LRRC4C: variants seen among roughly 807,000 people sequenced by gnomAD.
LRRC4C encodes leucine-rich repeat-containing protein 4C.
A neutral mutation model predicts 33.6 loss-of-function variants in LRRC4C; 5 were observed. The ratio of observed to expected loss-of-function variants is 0.15; its 90% confidence interval spans 0.08 to 0.31. LRRC4C has a LOEUF of 0.31. Ranked by LOEUF, LRRC4C falls within the 10% of genes least tolerant of loss-of-function variation. The pLI, the probability that LRRC4C is intolerant of heterozygous loss-of-function variation, is 1.00. For missense variants in LRRC4C, 560 were observed against 796.7 expected (o/e 0.70, Z 3.58); for synonymous variants, 329 against 302.0 (o/e 1.09, Z -0.93).
intron 2 of LRRC4C, among the ~76,000 whole-genome samples, chr11:40,855,480 A>C (rs976807289): frequency 6.6e-6 from 1 of 152,138 alleles, no homozygotes. Context: ...TGCTTGGCAC[A>C]CTTACTATGT....
intron 1 of LRRC4C, among the ~76,000 whole-genome samples, chr11:41,008,721 C>T (rs2137493305): frequency 6.6e-6 from 1 of 152,170 alleles, no homozygotes; most frequent in South Asian, 2.1e-4. Context: ...TTACTTATAC[C>T]AACTTGTATT....
chr11:41,143,832 C>A (rs1181962277), intron 1 of LRRC4C, among the ~76,000 whole-genome samples: 1 of 152,164 alleles, frequency 6.6e-6, no homozygotes, highest in Non-Finnish European at 1.5e-5. Flanking sequence ...AGAGGCAAGA[C>A]TGCTTTTTGT....
intron 4 of LRRC4C, among the ~76,000 whole-genome samples, chr11:40,289,913 T>C (rs1456532800): frequency 6.6e-6 from 1 of 152,086 alleles, no homozygotes; most frequent in Non-Finnish European, 1.5e-5. Flanking sequence ...TCCCTTTCTC[T>C]CTCTTAGGAA....
intron 2 of LRRC4C, among the ~76,000 whole-genome samples, chr11:40,773,261 T>C (rs1949835257): frequency 6.6e-6 from 1 of 151,994 alleles, no homozygotes; most frequent in Non-Finnish European, 1.5e-5. Context: ...AAAGTATAGT[T>C]AGAGAAAATT....
Position 40,587,621 on chromosome 11 carries a change from A to T in LRRC4C, c.-270+60521T>A, listed in dbSNP as rs1310658884. Among the ~76,000 whole-genome samples the T allele has an allele frequency of 2.7e-5, 4 of 149,882 alleles. No homozygotes were observed. The Admixed American group carries it at 2.7e-4, about 10-fold the overall frequency. The stretch of plus-strand genomic sequence containing the variant: ...GATATTGGCTGTGGGTTTGTCATAG[A>T]TAGCTCTTATTATTTTGAAATACGT... On this transcript the variant is annotated intron_variant, in intron 3 of 6. Coordinates refer to ENST00000528697, the MANE Select transcript of LRRC4C (RefSeq NM_001258419.2).
intron 2 of LRRC4C, among the ~76,000 whole-genome samples, chr11:40,727,727 T>C (rs1450846064): frequency 2.0e-5 from 3 of 152,050 alleles, no homozygotes; most frequent in East Asian, 1.9e-4. Context: ...TATAACCCTA[T>C]TACAAGCAGG....
Position 40,968,610 on chromosome 11 carries a change from A to C in LRRC4C, c.-495-34887T>G, listed in dbSNP as rs569124876. Among the ~76,000 whole-genome samples, 16 of 152,222 alleles carry C rather than the reference A, an allele frequency of 1.1e-4. 1 individual carries two copies. The highest frequency in any genetic ancestry group is 3.4e-3 in the Middle Eastern group (1 of 294). On this transcript the variant is annotated intron_variant, in intron 1 of 6. Coordinates refer to ENST00000528697, the MANE Select transcript of LRRC4C (RefSeq NM_001258419.2). ...TATGATGAAGCTAATGCTCATTTACAACTCTGAAAATTTTAGAACCCTTAC... is the reference window on the plus strand; with the variant it reads ...TATGATGAAGCTAATGCTCATTTACCACTCTGAAAATTTTAGAACCCTTAC...
intron 1 of LRRC4C, among the ~76,000 whole-genome samples, chr11:41,413,997 A>G (rs1054277732): frequency 5.3e-5 from 8 of 152,198 alleles, no homozygotes; most frequent in African/African-American, 1.9e-4. Context: ...AGTGCTTTGT[A>G]GTCAGACACA....
chr11:40,263,531 G>T (rs1355892104), intron 4 of LRRC4C, among the ~76,000 whole-genome samples: 2 of 135,450 alleles, frequency 1.5e-5, no homozygotes, highest in African/African-American at 3.9e-5. Context: ...TTACAGTTTT[G>T]GGGGCGGGGG....
chr11:40,973,917 G>A (rs906200521), intron 1 of LRRC4C, among the ~76,000 whole-genome samples: 2 of 151,968 alleles, frequency 1.3e-5, no homozygotes, highest in Non-Finnish European at 2.9e-5. Context: ...TAGGGATTGT[G>A]GAGCCTCTTT....
In LRRC4C at chr11:40,413,913, C is replaced by T. The variant is rs952095492; in HGVS notation, c.-269-94192G>A. Among the ~76,000 whole-genome samples the T allele has an allele frequency of 3.3e-5, 5 of 152,184 alleles. No individual in the cohort carries two copies. In the South Asian group the frequency reaches 8.3e-4, roughly 25 times the overall value. On this transcript the variant is annotated intron_variant, in intron 3 of 6. Transcript: ENST00000528697. ...ACTACTGACCAAAATTCAGTCTTCT[C>T]AATCCCAAGGTCTTGATTCTCTCCT...
intron 2 of LRRC4C, among the ~76,000 whole-genome samples, chr11:40,912,959 C>T (rs1592073011): frequency 1.3e-5 from 2 of 152,298 alleles, no homozygotes; most frequent in South Asian, 4.1e-4. Flanking sequence ...AAGACCATTA[C>T]ATAATGGTAA....
At chr11:41,322,987 G>A (rs1287101954) in intron 1 of LRRC4C, among the ~76,000 whole-genome samples, 2 of 152,106 alleles carry the variant, frequency 1.3e-5, no homozygotes, top group Admixed American at 1.3e-4. Context: ...CACAAAGAGG[G>A]TCTGAGAAGC....
At chr11:41,453,784 T>C (rs547626878) in intron 1 of LRRC4C, among the ~76,000 whole-genome samples, 16 of 152,240 alleles carry the variant, frequency 1.1e-4, no homozygotes, top group Non-Finnish European at 2.1e-4. Context: ...TATAACATTA[T>C]ATTTTCTTGG....
chr11:40,943,937 T>C lies in LRRC4C; in HGVS notation c.-495-10214A>G, dbSNP rs74729414. Among the ~76,000 whole-genome samples the C allele has an allele frequency of 4.8e-3, 727 of 152,326 alleles. 9 individuals carry two copies. Among genetic ancestry groups the C allele is most frequent in the African/African-American group, 0.017 (697 of 41,592 alleles). On this transcript the variant is annotated intron_variant, in intron 1 of 6. Transcript: ENST00000528697. ...AAAAGACTGACTTGATTTTAATCCA[T>C]GTTCTGGCCCATTTCTCGTTAGTCA...
intron 3 of LRRC4C, among the ~76,000 whole-genome samples, chr11:40,498,957 A>T (rs1324506145): frequency 6.6e-6 from 1 of 152,146 alleles, no homozygotes; most frequent in Admixed American, 6.5e-5. Flanking sequence ...ATGATAGAAG[A>T]TTAGAATTGT....
intron 1 of LRRC4C, among the ~76,000 whole-genome samples, chr11:40,945,250 G>C (rs1958344664): frequency 6.7e-6 from 1 of 149,682 alleles, no homozygotes; most frequent in Non-Finnish European, 1.5e-5. Flanking sequence ...TCGATCTCCT[G>C]ACCTCGTGAT....
chr11:40,490,538 ATTCAATGTTCT>A (rs1331125481), intron 3 of LRRC4C, among the ~76,000 whole-genome samples: 4 of 152,134 alleles, frequency 2.6e-5, no homozygotes, highest in Non-Finnish European at 5.9e-5. Context: ...AAAAAAAGAC[ATTCAATGTTCT>A]TTATTTTCTA....
chr11:40,817,638 A>G (rs1951759829), intron 2 of LRRC4C, among the ~76,000 whole-genome samples: 1 of 152,132 alleles, frequency 6.6e-6, no homozygotes, highest in Non-Finnish European at 1.5e-5. Flanking sequence ...AACGAATGAC[A>G]AACATCATCC....
Sources: gnomAD v4.1 joint callset for allele counts (sites outside exome capture counted in the v4.1 genomes callset) on GRCh38, gnomAD v4.1.1 for gene constraint, MANE v1.5 for transcripts, NCBI Gene and HGNC (gene_info 2026-07-23, HGNC 2026-07-21) for gene names.